Variants in ADGRA2 observed in about 807,000 individuals in gnomAD.
ADGRA2 encodes the protein G-protein coupled receptor 124.
In ADGRA2, 61 loss-of-function variants were observed where a neutral mutation model predicts 98.7. That is an observed-to-expected ratio of 0.62 (90% CI 0.50 to 0.76). The LOEUF (loss-of-function observed/expected upper bound fraction) is 0.76, where lower values mean the gene tolerates loss of function less well. Ranked by LOEUF, ADGRA2 falls within the 30% of genes least tolerant of loss-of-function variation. The pLI, the probability that ADGRA2 is intolerant of heterozygous loss-of-function variation, is 0.00. For missense variants in ADGRA2, 1,712 were observed against 1,860.0 expected (o/e 0.92, Z 1.46); for synonymous variants, 858 against 831.5 (o/e 1.03, Z -0.55).
chr8:37,837,121 G>A (rs961407444), intron 13 of ADGRA2, among the ~76,000 whole-genome samples: 3 of 152,224 alleles, frequency 2.0e-5, no homozygotes, highest in African/African-American at 7.2e-5. Context: ...GAGGGCACAG[G>A]GATGAGGGAC....
At chr8:37,829,094 G>A in intron 3 of ADGRA2, 135 bp downstream of exon 3, 1 of 806,798 alleles carries the variant, frequency 1.2e-6, no homozygotes, top group Non-Finnish European at 2.0e-6. Flanking sequence ...CCTTGGCTGG[G>A]GTCAAAGGAG....
rs141842092 is a variant in ADGRA2 at position 37,844,861 on chromosome 8, T to C, written c.*2506T>C. ...TGGCGGTGCTGGAGAAGGTCACCGATGTGCTTCACCACAGACCGTTTGTCA... is the reference window on the plus strand; with the variant it reads ...TGGCGGTGCTGGAGAAGGTCACCGACGTGCTTCACCACAGACCGTTTGTCA... On this transcript the variant is annotated 3_prime_UTR_variant, in exon 19 of 19. Transcript: ENST00000412232. The C allele has an allele frequency of 2.2e-5, 35 of 1,614,050 alleles. No individual in the cohort carries two copies. Among genetic ancestry groups the C allele is most frequent in the Non-Finnish European group, 3.0e-5 (35 of 1,180,046 alleles).
At chr8:37,804,545 CAGG>C (rs1226509131) in intron 1 of ADGRA2, among the ~76,000 whole-genome samples, 1 of 152,224 alleles carries the variant, frequency 6.6e-6, no homozygotes. Context: ...GGTTAGCAAA[CAGG>C]AGGTCAAAAT....
chr8:37,831,999 G>T (rs1214051195), intron 8 of ADGRA2, among the ~76,000 whole-genome samples: 2 of 152,228 alleles, frequency 1.3e-5, no homozygotes, highest in Admixed American at 1.3e-4. Flanking sequence ...GGCGGAGGTT[G>T]CAGTGAGCCA....
Position 37,833,166 on chromosome 8 carries a change from C to T in ADGRA2, c.1254C>T (p.Leu418=), listed in dbSNP as rs1563349641. ...AGCCAGGGGACTACTCCCACTGTCT[C>T]TACACCAACGACATCACCAGGGTGC... ...RWEPGDYSHC[L]YTNDITRVLY... The change falls in exon 9 of 19, where the codon CTC becomes CTT. Residue 418 remains leucine (L), a synonymous_variant. Transcript: ENST00000412232. 6.2e-7 allele frequency: 1 copy of T among 1,613,166 alleles called. No individual in the cohort carries two copies.
intron 3 of ADGRA2, 70 bp from the exon 4 acceptor site, chr8:37,829,191 T>G: frequency 2.7e-6 from 3 of 1,101,470 alleles, no homozygotes; most frequent in Non-Finnish European, 4.2e-6. Flanking sequence ...GCCCCACCCA[T>G]GTGTTCCTCA....
chr8:37,816,113 C>T (rs952721098), intron 2 of ADGRA2, among the ~76,000 whole-genome samples: 1 of 152,202 alleles, frequency 6.6e-6, no homozygotes, highest in Admixed American at 6.5e-5. Context: ...AGACCACAAA[C>T]AATGCCATGT....
intron 8 of ADGRA2, 49 bp downstream of exon 8, chr8:37,831,636 C>A (rs764664509): frequency 1.4e-5 from 22 of 1,559,632 alleles, no homozygotes; most frequent in Admixed American, 3.4e-5. Context: ...CCAACCCCAC[C>A]CTTGCACCTG....
In ADGRA2 at chr8:37,842,139, C is replaced by T; in HGVS notation, c.3801C>T (p.Gly1267=). 2 of 1,496,826 alleles carry T rather than the reference C, an allele frequency of 1.3e-6. No homozygotes were observed. The highest frequency in any genetic ancestry group is 8.8e-7 in the Non-Finnish European group (1 of 1,130,678). 92.7% of individuals were successfully genotyped at this position (1,496,826 alleles called of 1,614,324 possible). The change falls in exon 19 of 19, where the codon GGC becomes GGT. Residue 1267 remains glycine (G), a synonymous_variant. Transcript: ENST00000412232. ...GCGCCGCGCCGCTTTCTGAGGCGGG[C>T]CGGGCAGGCCAGCGCCGCAGCGCCA... ...DTSAAPLSEA[G]RAGQRRSASR...
intron 1 of ADGRA2, among the ~76,000 whole-genome samples, chr8:37,798,258 G>A (rs1804401056): frequency 6.6e-6 from 1 of 152,248 alleles, no homozygotes; most frequent in African/African-American, 2.4e-5. Context: ...AGTAACTCGA[G>A]CTTTGGCTGT....
chr8:37,804,882 G>C (rs1335573189), intron 1 of ADGRA2, among the ~76,000 whole-genome samples: 1 of 152,260 alleles, frequency 6.6e-6, no homozygotes, highest in Non-Finnish European at 1.5e-5. Flanking sequence ...CGGGGTCCCT[G>C]TACATAAGCA....
Position 37,833,042 on chromosome 8 carries a change from A to G in ADGRA2, c.1130A>G (p.Tyr377Cys). ...WPRTLAGITA[Y>C]QSCLQYPFTS... ...CGAACTCTGGCTGGCATCACAGCCT[A>G]CCAGTCCTGCCTGCAGTATCCCTTC... is the stretch of plus-strand genomic sequence containing the variant. Residue 377 changes from tyrosine to cysteine, a missense_variant, in exon 9 of 19, where the codon TAC (tyrosine) becomes TGC (cysteine). Coordinates refer to ENST00000412232, the MANE Select transcript of ADGRA2 (RefSeq NM_032777.10). The G allele has an allele frequency of 6.2e-7, 1 of 1,613,186 alleles. No homozygotes were observed. Among genetic ancestry groups the G allele is most frequent in the Non-Finnish European group, 8.5e-7 (1 of 1,179,824 alleles).
intron 8 of ADGRA2, 52 bp downstream of exon 8, chr8:37,831,639 T>G (rs1226981241): frequency 2.6e-6 from 4 of 1,543,378 alleles, no homozygotes; most frequent in Non-Finnish European, 3.6e-6. Flanking sequence ...ACCCCACCCT[T>G]GCACCTGACA....
At chr8:37,808,558 C>CTG (rs150292268) in intron 1 of ADGRA2, among the ~76,000 whole-genome samples, 35,629 of 146,448 alleles carry the variant, frequency 0.24, 4,293 homozygotes, top group Middle Eastern at 0.39. Context: ...TTGGATGAAG[C>CTG]TGTGTGTGTG....
chr8:37,797,954 G>A lies in ADGRA2; in HGVS notation c.266+420G>A, dbSNP rs1804386382. 6.6e-6 allele frequency among the ~76,000 whole-genome samples: 1 copy of A among 152,236 alleles called. No homozygotes were observed. On this transcript the variant is annotated intron_variant, in intron 1 of 18. Coordinates refer to ENST00000412232, the MANE Select transcript of ADGRA2 (RefSeq NM_032777.10). This position sits in a 1 kb window ranked among gnomAD's most constrained non-coding sequence, Gnocchi z 5.3. The stretch of plus-strand genomic sequence containing the variant: ...GGGGGCTGTGGTCCTAACCACTACG[G>A]TCGCGTCCCGGACTGGGCTGGAGGA...
intron 13 of ADGRA2, among the ~76,000 whole-genome samples, chr8:37,836,619 C>T (rs965121807): frequency 3.3e-5 from 5 of 152,186 alleles, no homozygotes; most frequent in African/African-American, 7.2e-5. Context: ...CCACCATCCA[C>T]GCTGACACCA....
intron 1 of ADGRA2, among the ~76,000 whole-genome samples, chr8:37,800,924 C>T (rs1804482866): frequency 6.6e-6 from 1 of 152,182 alleles, no homozygotes; most frequent in Non-Finnish European, 1.5e-5. Context: ...CCTCCCTCCC[C>T]ATCTCCCCCA....
chr8:37,821,860 G>T (rs1198445275), intron 2 of ADGRA2, among the ~76,000 whole-genome samples: 1 of 152,198 alleles, frequency 6.6e-6, no homozygotes, highest in Non-Finnish European at 1.5e-5. Flanking sequence ...TGGCGGCCTG[G>T]GGGTGGAGTG....
intron 5 of ADGRA2, 95 bp downstream of exon 5, chr8:37,829,654 A>C: frequency 2.0e-6 from 2 of 1,012,376 alleles, no homozygotes; most frequent in Admixed American, 1.8e-5. Flanking sequence ...GACTGGTCTC[A>C]CGAGTGGCCA....
Sources: gnomAD v4.1 joint callset for allele counts (sites outside exome capture counted in the v4.1 genomes callset) on GRCh38, gnomAD v4.1.1 for gene constraint, Gnocchi (gnomAD v3.1) non-coding constraint, MANE v1.5 for transcripts, NCBI Gene and HGNC (gene_info 2026-07-23, HGNC 2026-07-21) for gene names.